ENOX1: variants seen among roughly 807,000 people sequenced by gnomAD.
ENOX1 encodes candidate growth-related and time keeping constitutive hydroquinone (NADH) oxidase.
A neutral mutation model predicts 82.5 loss-of-function variants in ENOX1; 42 were observed. The ratio of observed to expected loss-of-function variants is 0.51; its 90% confidence interval spans 0.40 to 0.66. ENOX1 has a LOEUF of 0.66. ENOX1 is among the 30% of genes least tolerant of loss of function. The pLI, the probability that ENOX1 is intolerant of heterozygous loss-of-function variation, is 0.00. For synonymous variants in ENOX1, 271 were observed against 282.2 expected, an observed-to-expected ratio of 0.96 and a Z score of 0.40; for missense variants, 608 against 811.6, an observed-to-expected ratio of 0.75 and a Z score of 3.05.
At chr13:43,227,979 T>C (rs976866251) in intron 15 of ENOX1, among the ~76,000 whole-genome samples, 3 of 151,920 alleles carry the variant, frequency 2.0e-5, no homozygotes, top group Non-Finnish European at 2.9e-5. Flanking sequence ...TCCATCCCTG[T>C]AGCACCACAG....
intron 2 of ENOX1, among the ~76,000 whole-genome samples, chr13:43,613,377 C>A (rs1276018163): frequency 6.6e-6 from 1 of 152,028 alleles, no homozygotes; most frequent in Admixed American, 6.6e-5. Context: ...GGTTGTACAA[C>A]CTGAACGTAA....
At chr13:43,265,367 G>T in intron 14 of ENOX1, 31 bp downstream of exon 14, 1 of 1,594,814 alleles carries the variant, frequency 6.3e-7, no homozygotes. Flanking sequence ...CGTCAAGCAA[G>T]AAGAACAAAT....
intron 1 of ENOX1, among the ~76,000 whole-genome samples, chr13:43,729,006 T>C (rs1157497162): frequency 1.3e-5 from 2 of 152,214 alleles, no homozygotes; most frequent in African/African-American, 2.4e-5. Flanking sequence ...CTCAGCTGTA[T>C]TCATTTGATC....
intron 3 of ENOX1, among the ~76,000 whole-genome samples, chr13:43,448,086 A>G (rs1594668040): frequency 1.3e-5 from 2 of 152,354 alleles, no homozygotes; most frequent in East Asian, 3.9e-4. Context: ...ACATTATTGA[A>G]CAGAAGTAAT....
intron 2 of ENOX1, among the ~76,000 whole-genome samples, chr13:43,558,039 G>T (rs755967651): frequency 6.6e-6 from 1 of 152,060 alleles, no homozygotes; most frequent in African/African-American, 2.4e-5. Context: ...ACTTAGAGGG[G>T]TCCCATCCAT....
intron 9 of ENOX1, among the ~76,000 whole-genome samples, chr13:43,333,217 G>C: frequency 6.6e-6 from 1 of 152,076 alleles, no homozygotes; most frequent in East Asian, 1.9e-4. Flanking sequence ...CTAGATAAAA[G>C]AGCACCTGAA....
chr13:43,341,308 G>C (rs2049043495), intron 9 of ENOX1, among the ~76,000 whole-genome samples: 1 of 135,914 alleles, frequency 7.4e-6, no homozygotes, highest in African/African-American at 2.9e-5. Flanking sequence ...AAAAAAAAAA[G>C]AGAGAGATGC....
intron 1 of ENOX1, among the ~76,000 whole-genome samples, chr13:43,684,015 C>A (rs762364785): frequency 7.0e-6 from 1 of 142,396 alleles, no homozygotes; most frequent in Non-Finnish European, 1.5e-5. Context: ...CAAGGCCTAC[C>A]TTAAAATGTA....
rs772721017 is a variant in ENOX1, at chr13:43,344,551, C to T, written c.1023G>A (p.Gly341=). 87 of 1,613,840 alleles carry T rather than the reference C, an allele frequency of 5.4e-5. No individual in the cohort carries two copies. Among genetic ancestry groups the T allele is most frequent in the Middle Eastern group, 5.0e-4 (3 of 6,058 alleles). The change falls in exon 9 of 17, where the codon GGG becomes GGA. Residue 341 remains glycine, a synonymous_variant. Transcript: ENST00000690772. ...AATTTTACTTACATTGAGTGAGAAT[C>T]CCAGTTAAGGCATTTTTAAAATTCT... ...AKENFKNALT[G]ILTQFEQIVA...
At chr13:43,252,735 T>C (rs1303691416) in intron 14 of ENOX1, among the ~76,000 whole-genome samples, 1 of 152,148 alleles carries the variant, frequency 6.6e-6, no homozygotes, top group East Asian at 1.9e-4. Context: ...GAGGTTTGAT[T>C]TAAATGCCCA....
intron 5 of ENOX1, among the ~76,000 whole-genome samples, chr13:43,397,475 A>G (rs1046896250): frequency 6.6e-6 from 1 of 152,230 alleles, no homozygotes; most frequent in African/African-American, 2.4e-5. Flanking sequence ...CTGAGATGGA[A>G]TAAATGGCTA....
At chr13:43,582,603 TCA>T (rs1418547574) in intron 2 of ENOX1, among the ~76,000 whole-genome samples, 1 of 152,008 alleles carries the variant, frequency 6.6e-6, no homozygotes, top group Admixed American at 6.6e-5. Context: ...AGACAGGGTC[TCA>T]CTCTGTCACC....
chr13:43,361,915 A>G (rs1037701657), intron 5 of ENOX1, among the ~76,000 whole-genome samples: 2 of 151,950 alleles, frequency 1.3e-5, no homozygotes, highest in African/African-American at 4.8e-5. Context: ...GGAAAGTTCA[A>G]TTTATATGTG....
chr13:43,728,380 A>C (rs1272808678), intron 1 of ENOX1, among the ~76,000 whole-genome samples: 1 of 152,142 alleles, frequency 6.6e-6, no homozygotes, highest in African/African-American at 2.4e-5. Flanking sequence ...AAAACCATTT[A>C]TTTCTTTCCA....
chr13:43,623,429 T>G (rs1386375974), intron 2 of ENOX1, among the ~76,000 whole-genome samples: 1 of 152,146 alleles, frequency 6.6e-6, no homozygotes, highest in African/African-American at 2.4e-5. Flanking sequence ...CCCTTCTCAC[T>G]GTTTCCTCTA....
chr13:43,389,934 G>A (rs1279468606), intron 5 of ENOX1, among the ~76,000 whole-genome samples: 1 of 152,042 alleles, frequency 6.6e-6, no homozygotes, highest in East Asian at 1.9e-4. Context: ...GGGGGAGAAG[G>A]GGAGAACAAA....
At chr13:43,689,376 A>G (rs1033112448) in intron 1 of ENOX1, among the ~76,000 whole-genome samples, 10 of 152,246 alleles carry the variant, frequency 6.6e-5, no homozygotes, top group African/African-American at 2.2e-4. Flanking sequence ...AGCAAAGTAG[A>G]AGAATGACAA....
chr13:43,450,091 A>T (rs117801074), intron 3 of ENOX1, among the ~76,000 whole-genome samples: 1,777 of 152,350 alleles, frequency 0.012, 21 homozygotes, highest in South Asian at 0.024. Context: ...TTGGCATTCA[A>T]TATAGTCATA....
intron 2 of ENOX1, among the ~76,000 whole-genome samples, chr13:43,581,150 T>TTTA (rs869040373): frequency 5.7e-5 from 8 of 139,232 alleles, no homozygotes; most frequent in Non-Finnish European, 1.1e-4. Flanking sequence ...TTTTTTTTTT[T>TTTA]GAGACGGAGT....
Sources: allele counts gnomAD v4.1 joint callset (sites outside exome capture counted in the v4.1 genomes callset), GRCh38; gene constraint gnomAD v4.1.1; transcripts MANE v1.5; gene names NCBI Gene and HGNC (gene_info 2026-07-23, HGNC 2026-07-21).